The following RAD51AP2 variants were observed in gnomAD, a reference collection of about 807,000 sequenced individuals.
RAD51AP2 encodes RAD51-associated protein 2.
A neutral mutation model predicts 85.5 loss-of-function variants in RAD51AP2; 67 were observed. That is an observed-to-expected ratio of 0.78 (90% confidence interval 0.64 to 0.96). The LOEUF (loss-of-function observed/expected upper bound fraction) is 0.96. RAD51AP2 is among the 40% of genes least tolerant of loss of function. The pLI, the probability that RAD51AP2 is intolerant of heterozygous loss-of-function variation, is 0.00. For missense variants in RAD51AP2, 1,307 were observed against 1,332.4 expected (o/e 0.98, Z 0.30); for synonymous variants, 474 against 446.5 (o/e 1.06, Z -0.78).
At chr2:17,510,997 T>C (rs1662477473) in intron 2 of RAD51AP2, 42 bp from the exon 3 acceptor site, 1 of 1,396,394 alleles carries the variant, frequency 7.2e-7, no homozygotes, top group Non-Finnish European at 9.7e-7. Context: ...ATCAATAGTT[T>C]CTATGCCTAA....
chr2:17,514,898 C>T (rs1379712878), intron 1 of RAD51AP2, among the ~76,000 whole-genome samples: 1 of 150,384 alleles, frequency 6.6e-6, no homozygotes, highest in Non-Finnish European at 1.5e-5. Context: ...AACAATGTAA[C>T]TGTATGAAAA....
At position 17,517,300 on chromosome 2, in the gene RAD51AP2, A is replaced by G; in HGVS notation, c.1116T>C (p.Asn372=). The change falls in exon 1 of 3, where the codon AAT becomes AAC. Residue 372 remains asparagine, a synonymous_variant. Coordinates refer to ENST00000399080, the MANE Select transcript of RAD51AP2 (RefSeq NM_001099218.3). ...DSRKNFAILE[N]ANWEEAECLD... is the part of the protein sequence containing the mutation. Reference sequence around the variant, plus strand: ...GACATTCTGCTTCCTCCCAATTTGCATTTTCTAGTATAGCGAAATTCTTTC... The same window carrying G: ...GACATTCTGCTTCCTCCCAATTTGCGTTTTCTAGTATAGCGAAATTCTTTC... 3 of 1,613,918 alleles carry G rather than the reference A, an allele frequency of 1.9e-6. No individual in the cohort carries two copies. The highest frequency in any genetic ancestry group is 2.5e-6 in the Non-Finnish European group (3 of 1,179,928).
At chr2:17,532,728 A>C in the RAD51AP2 span, among the ~76,000 whole-genome samples, 30 of 152,220 alleles carry the variant, frequency 2.0e-4, no homozygotes, top group Non-Finnish European at 4.0e-4. Flanking sequence ...ATAGATAGAT[A>C]GATGATAAAC....
chr2:17,516,076 C>T lies in RAD51AP2; in HGVS notation c.2340G>A (p.Glu780=), dbSNP rs1471067443. ...CATTGCAGAGATCTTCAAATATGTGCTCACAGTCAAAGTTACTGATCTTAT... is the reference window on the plus strand; with the variant it reads ...CATTGCAGAGATCTTCAAATATGTGTTCACAGTCAAAGTTACTGATCTTAT... The part of the protein sequence containing the change: ...GHNKISNFDC[E]HIFEDLCNVR... The change falls in exon 1 of 3, where the codon GAG becomes GAA. Residue 780 remains glutamate (E), a synonymous_variant. Transcript: ENST00000399080. 5 of 1,613,316 alleles carry T rather than the reference C, an allele frequency of 3.1e-6. No individual in the cohort carries two copies. The highest frequency in any genetic ancestry group is 4.2e-6 in the Non-Finnish European group (5 of 1,179,664).
rs768313466 is a variant in RAD51AP2, at chr2:17,510,970, C to CA, written c.3329-16dup. 2 of 1,554,718 alleles carry CA rather than the reference C, an allele frequency of 1.3e-6. No homozygotes were observed. Among genetic ancestry groups the CA allele is most frequent in the South Asian group, 2.5e-5 (2 of 80,268 alleles). On this transcript the variant is annotated splice_polypyrimidine_tract_variant and intron_variant, in intron 2 of 2. Coordinates refer to ENST00000399080, the MANE Select transcript of RAD51AP2 (RefSeq NM_001099218.3). ...AAAGTGACTACCTAAAAATATAAGA[C>CA]AATAAAAGTAAAAATTATCAATAGT...
chr2:17,519,185 T>C (rs946548111), upstream of RAD51AP2, among the ~76,000 whole-genome samples: 1 of 152,110 alleles, frequency 6.6e-6, no homozygotes. Flanking sequence ...TATTATATGT[T>C]TGAACTACCC....
the RAD51AP2 span, among the ~76,000 whole-genome samples, chr2:17,523,857 T>C: frequency 2.0e-5 from 3 of 151,944 alleles, no homozygotes; most frequent in African/African-American, 7.2e-5. Context: ...GGACAGAGTA[T>C]AGCCACTGCC....
chr2:17,524,737 G>A, the RAD51AP2 span, among the ~76,000 whole-genome samples: 1 of 151,712 alleles, frequency 6.6e-6, no homozygotes, highest in Non-Finnish European at 1.5e-5. Flanking sequence ...ATTTAGCATG[G>A]GACCTACCAT....
chr2:17,522,903 A>G (rs1272323494), upstream of RAD51AP2, among the ~76,000 whole-genome samples: 1 of 151,982 alleles, frequency 6.6e-6, no homozygotes, highest in Non-Finnish European at 1.5e-5. Context: ...GGAATTACAT[A>G]TATTGACATT....
the RAD51AP2 span, among the ~76,000 whole-genome samples, chr2:17,532,332 T>C: frequency 3.9e-5 from 6 of 152,146 alleles, no homozygotes; most frequent in African/African-American, 1.4e-4. Flanking sequence ...TTCTAGCTTC[T>C]TGTTGTTGCT....
In RAD51AP2 at chr2:17,518,409, G is replaced by C. The variant is rs768658370; in HGVS notation, c.7C>G (p.Leu3Val). The C allele has an allele frequency of 2.5e-6, 4 of 1,610,952 alleles. No homozygotes were observed. The highest frequency in any genetic ancestry group is 1.7e-5 in the Admixed American group (1 of 59,772). ...GCCATCCGCGGCGTGGGCTGAGGGA[G>C]AGACATGACAGCGAATGGAAAGGAT... MS[L>V]PQPTPRMAEL... The change falls in exon 1 of 3, where the codon CTC becomes GTC. Residue 3 changes from leucine (L) to valine (V), a missense_variant. Coordinates refer to ENST00000399080, the MANE Select transcript of RAD51AP2 (RefSeq NM_001099218.3).
Position 17,510,699 on chromosome 2 carries a change from T to C in RAD51AP2, c.*105A>G. 1.6e-6 allele frequency: 1 copy of C among 633,476 alleles called. No individual in the cohort carries two copies. The highest frequency in any genetic ancestry group is 2.4e-6 in the Non-Finnish European group (1 of 409,372). 39.2% of individuals were successfully genotyped at this position (633,476 alleles called of 1,614,324 possible). On this transcript the variant is annotated 3_prime_UTR_variant, in exon 3 of 3. Coordinates refer to ENST00000399080, the MANE Select transcript of RAD51AP2 (RefSeq NM_001099218.3). ...TTATACACTCAAAAAAAAAAACTTC[T>C]CCACTTTATAATAAAGCAAGCCCCA... is the stretch of plus-strand genomic sequence containing the variant.
At chr2:17,526,173 A>T in the RAD51AP2 span, among the ~76,000 whole-genome samples, 11 of 152,110 alleles carry the variant, frequency 7.2e-5, no homozygotes, top group East Asian at 1.9e-3. Context: ...TATTTTTTTT[A>T]AAAAGTAAAG....
Position 17,518,161 on chromosome 2 carries a change from G to A in RAD51AP2, c.255C>T (p.Ser85=). 1 of 1,614,156 alleles carries A rather than the reference G, an allele frequency of 6.2e-7. No homozygotes were observed. Among genetic ancestry groups the A allele is most frequent in the Non-Finnish European group, 8.5e-7 (1 of 1,180,030 alleles). Residue 85 remains serine, a synonymous_variant, in exon 1 of 3, where the codon TCC becomes TCT. Coordinates refer to ENST00000399080, the MANE Select transcript of RAD51AP2 (RefSeq NM_001099218.3). ...LVSTNAIFDN[S]TDSCVEKSVS... ...CTGATTTCTCCACACACGAGTCTGT[G>A]GAGTTATCGAAAATAGCATTCGTTG...
chr2:17,517,758 A>C lies in RAD51AP2; in HGVS notation c.658T>G (p.Ser220Ala). The change falls in exon 1 of 3, where the codon TCA (serine) becomes GCA (alanine). Residue 220 changes from serine to alanine, a missense_variant. Ser to Ala is a moderately conservative substitution (Grantham distance 99, BLOSUM62 1). Coordinates refer to ENST00000399080, the MANE Select transcript of RAD51AP2 (RefSeq NM_001099218.3). ...NRCKANSVVPSNKRENNISSS... is the reference protein window; with the variant it reads ...NRCKANSVVPANKRENNISSS... ...GAAATGTTATTTTCTCTTTTATTTG[A>C]TGGCACAACACTGTTAGCTTTACAT... 1 of 1,613,558 alleles carries C rather than the reference A, an allele frequency of 6.2e-7. No individual in the cohort carries two copies. The highest frequency in any genetic ancestry group is 8.5e-7 in the Non-Finnish European group (1 of 1,179,784).
At chr2:17,512,929 G>A (rs1486053728) in intron 2 of RAD51AP2, among the ~76,000 whole-genome samples, 1 of 152,176 alleles carries the variant, frequency 6.6e-6, no homozygotes, top group African/African-American at 2.4e-5. Flanking sequence ...AAGTATCAGA[G>A]GTAACATTCT....
upstream of RAD51AP2, among the ~76,000 whole-genome samples, chr2:17,520,674 C>T (rs1172362335): frequency 6.6e-6 from 1 of 151,850 alleles, no homozygotes; most frequent in African/African-American, 2.4e-5. Context: ...GAAATTTACT[C>T]AATATCAATA....
rs774437808 is a variant in RAD51AP2, at chr2:17,515,745, CAT to C, written c.2669_2670del (p.Tyr890CysfsTer2). ...SKEVNVEENK[Y>X]VNQNYVTNTN... is the part of the protein sequence containing the mutation. ...GTATTTGTTACATAATTTTGATTAA[CAT>C]ATTTATTTTCTTCCACATTTACTTC... On this transcript the variant is annotated frameshift_variant, in exon 1 of 3. Coordinates refer to ENST00000399080, the MANE Select transcript of RAD51AP2 (RefSeq NM_001099218.3). LOFTEE classifies it high-confidence loss of function. The C allele has an allele frequency of 2.3e-5, 37 of 1,596,942 alleles. No individual in the cohort carries two copies. Among genetic ancestry groups the C allele is most frequent in the Non-Finnish European group, 3.1e-5 (36 of 1,171,378 alleles).
chr2:17,536,759 A>G, the RAD51AP2 span, among the ~76,000 whole-genome samples: 2 of 152,250 alleles, frequency 1.3e-5, no homozygotes, highest in Non-Finnish European at 2.9e-5. Context: ...AATCAAGTTC[A>G]TTAAAACTAG....
Sources: gnomAD v4.1 joint callset for allele counts (sites outside exome capture counted in the v4.1 genomes callset) on GRCh38, gnomAD v4.1.1 for gene constraint, MANE v1.5 for transcripts, NCBI Gene and HGNC (gene_info 2026-07-23, HGNC 2026-07-21) for gene names.